ACAP3: variants seen among roughly 807,000 people sequenced by gnomAD.
The protein encoded by ACAP3 is arf-GAP with coiled-coil, ANK repeat and PH domain-containing protein 3.
A neutral mutation model predicts 104.1 loss-of-function variants in ACAP3; 56 were observed. That is an observed-to-expected ratio of 0.54 (90% CI 0.43 to 0.67). ACAP3 has a LOEUF of 0.67. ACAP3 is among the 30% of genes least tolerant of loss of function. ACAP3 has a pLI of 0.00. For synonymous variants in ACAP3, 628 were observed against 496.2 expected (o/e 1.27, Z -3.53); for missense variants, 1,208 against 1,174.9 (o/e 1.03, Z -0.41).
intron 9 of ACAP3, 130 bp downstream of exon 9, chr1:1,299,701 G>T: frequency 9.0e-7 from 1 of 1,114,274 alleles, no homozygotes; most frequent in Non-Finnish European, 1.3e-6. Context: ...TGGTCCCCTA[G>T]AGAGGGTGTG....
chr1:1,299,553 C>T (rs1007289063), intron 9 of ACAP3, 197 bp from the exon 10 acceptor site: 4 of 772,524 alleles, frequency 5.2e-6, no homozygotes, highest in Non-Finnish European at 6.1e-6. Flanking sequence ...GCCGGGGCTG[C>T]TGTCCCACAG....
chr1:1,295,755 A>C lies in ACAP3; in HGVS notation c.1686T>G (p.Cys562Trp), dbSNP rs1343730316. ...RKVRLEPVLP[C>W]VAALSSVGTL... is the part of the protein sequence containing the mutation. ...TCCCACCTGAGGACAGAGCGGCCAC[A>C]CAGGGCAGAACGGGCTCAAGCCGGA... The change falls in exon 18 of 24, where the codon TGT becomes TGG. Residue 562 changes from cysteine (C) to tryptophan (W), a missense_variant. Cys to Trp is a radical substitution (Grantham distance 215, BLOSUM62 -2). Transcript: ENST00000354700. 6.2e-7 allele frequency: 1 copy of C among 1,605,474 alleles called. No homozygotes were observed. The highest frequency in any genetic ancestry group is 1.3e-5 in the African/African-American group (1 of 74,890).
At position 1,297,661 on chromosome 1, in the gene ACAP3, A is replaced by G. The variant is rs1272126898; in HGVS notation, c.1128+161T>C. 1.7e-3 allele frequency among the ~76,000 whole-genome samples: 116 copies of G among 68,910 alleles called. 1 individual carries two copies. Among genetic ancestry groups the G allele is most frequent in the Admixed American group, 1.5e-4 (1 of 6,576 alleles). 45.2% of individuals were successfully genotyped at this position (68,910 alleles called of 152,430 possible). On this transcript the variant is annotated intron_variant, in intron 14 of 23. Coordinates refer to ENST00000354700, the MANE Select transcript of ACAP3 (RefSeq NM_030649.3). Reference sequence around the variant, plus strand: ...CCCAGTGGCACGTGTGTGTGTGCACAGGCGCGGGGCAGGGGCCATCCCCGG... The same window carrying G: ...CCCAGTGGCACGTGTGTGTGTGCACGGGCGCGGGGCAGGGGCCATCCCCGG...
chr1:1,300,641 C>T lies in ACAP3; in HGVS notation c.390G>A (p.Glu130=), dbSNP rs1641402693. 7 of 1,609,622 alleles carry T rather than the reference C, an allele frequency of 4.3e-6. No homozygotes were observed. Among genetic ancestry groups the T allele is most frequent in the Non-Finnish European group, 5.1e-6 (6 of 1,179,100 alleles). ...ETKKQFDKVR[E]DLELSLVRNA... The stretch of plus-strand genomic sequence containing the variant: ...TCCTCACCAGGGACAGCTCCAGGTC[C>T]TCCCGCACCTTGTCAAACTGCTTCT... Residue 130 remains glutamate (E), a synonymous_variant, in exon 6 of 24, where the codon GAG becomes GAA. Coordinates refer to ENST00000354700, the MANE Select transcript of ACAP3 (RefSeq NM_030649.3).
chr1:1,303,656 C>T lies in ACAP3; in HGVS notation c.106-375G>A. On this transcript the variant is annotated intron_variant, in intron 2 of 23. Coordinates refer to ENST00000354700, the MANE Select transcript of ACAP3 (RefSeq NM_030649.3). This position sits in a 1 kb window ranked among gnomAD's most constrained non-coding sequence, Gnocchi z 4.0. Reference sequence around the variant, plus strand: ...TGTGGGGCTCATGGACACGGCTCCCCTCTCCACGGCCTGTTGCCCCCTCTT... The same window carrying T: ...TGTGGGGCTCATGGACACGGCTCCCTTCTCCACGGCCTGTTGCCCCCTCTT... 2 of 387,408 alleles carry T rather than the reference C, an allele frequency of 5.2e-6. No homozygotes were observed. Among genetic ancestry groups the T allele is most frequent in the Admixed American group, 4.9e-5 (1 of 20,516 alleles). The allele number at this position is 387,408 out of a possible 1,614,324, so 24.0% of individuals were successfully genotyped here. A position where few individuals can be genotyped will look rare whatever the true frequency, so the allele number is the denominator to read the frequency against.
chr1:1,294,635 G>A lies in ACAP3; in HGVS notation c.1913-7C>T, dbSNP rs764805381. 6.5e-7 allele frequency: 1 copy of A among 1,529,648 alleles called. No individual in the cohort carries two copies. Among genetic ancestry groups the A allele is most frequent in the South Asian group, 1.2e-5 (1 of 82,180 alleles). The allele number at this position is 1,529,648 out of a possible 1,614,324, so 94.8% of individuals were successfully genotyped here. The stretch of plus-strand genomic sequence containing the variant: ...TCCTCCGACTCTGCACCCTCTGTGG[G>A]GAGGGGGCGGTCAGGGAAAGCAACC... On this transcript the variant is annotated splice_region_variant and splice_polypyrimidine_tract_variant and intron_variant, in intron 20 of 23. Coordinates refer to ENST00000354700, the MANE Select transcript of ACAP3 (RefSeq NM_030649.3).
intron 1 of ACAP3, 52 bp from the exon 2 acceptor site, chr1:1,304,195 G>A (rs1641580241): frequency 1.3e-6 from 2 of 1,547,194 alleles, no homozygotes; most frequent in African/African-American, 1.4e-5. Context: ...AGCCCCCTCG[G>A]GGCTTCACCT....
chr1:1,299,193 A>G (rs1288384749), intron 10 of ACAP3, 152 bp downstream of exon 10: 5 of 1,039,342 alleles, frequency 4.8e-6, no homozygotes, highest in African/African-American at 1.6e-5. Flanking sequence ...GTCTGGCCGG[A>G]GCCAGCCCCT....
At chr1:1,299,802 T>A (rs1359606341) in intron 9 of ACAP3, 29 bp downstream of exon 9, 1 of 1,536,240 alleles carries the variant, frequency 6.5e-7, no homozygotes, top group African/African-American at 1.4e-5. Context: ...AGGCGCCTGG[T>A]GTGCAGGGAG....
At position 1,298,047 on chromosome 1, in the gene ACAP3, G is replaced by A. The variant is rs772986088; in HGVS notation, c.982C>T (p.Arg328Trp). ...GACAGCACCTCGAAGCAGAACCTCC[G>A]CTCGATGTCCTCACACGGCTTCACA... Reference protein sequence around the residue: ...CSVKPCEDIERRFCFEVLSPT... With the variant: ...CSVKPCEDIEWRFCFEVLSPT... Residue 328 changes from arginine (R) to tryptophan (W), a missense_variant, in exon 13 of 24, where the codon CGG becomes TGG. By Grantham distance (101) the Arg-to-Trp change is moderately radical. Coordinates refer to ENST00000354700, the MANE Select transcript of ACAP3 (RefSeq NM_030649.3). 14 of 1,611,534 alleles carry A rather than the reference G, an allele frequency of 8.7e-6. No individual in the cohort carries two copies. Among genetic ancestry groups the A allele is most frequent in the East Asian group, 2.2e-5 (1 of 44,836 alleles).
intron 5 of ACAP3, chr1:1,301,634 C>T: frequency 5.2e-6 from 1 of 190,526 alleles, no homozygotes; most frequent in Non-Finnish European, 1.1e-5. Flanking sequence ...CCCAGGCCTG[C>T]CCGCACCCCT....
intron 14 of ACAP3, among the ~76,000 whole-genome samples, chr1:1,297,250 C>T (rs1256749414): frequency 1.1e-5 from 1 of 88,536 alleles, no homozygotes; most frequent in Non-Finnish European, 2.0e-5. Flanking sequence ...CATGTGTGCA[C>T]GGGCTTGGGG....
intron 16 of ACAP3, 27 bp downstream of exon 16, chr1:1,296,184 C>G (rs763627196): frequency 6.3e-7 from 1 of 1,594,874 alleles, no homozygotes; most frequent in Non-Finnish European, 8.5e-7. Context: ...AACGGGGTCC[C>G]GTGGCCTCCA....
In ACAP3 at chr1:1,295,532, G is replaced by C. The variant is rs773833712; in HGVS notation, c.1728C>G (p.Phe576Leu). The C allele has an allele frequency of 1.2e-6, 2 of 1,612,542 alleles. No homozygotes were observed. Among genetic ancestry groups the C allele is most frequent in the Non-Finnish European group, 1.7e-6 (2 of 1,179,910 alleles). The change falls in exon 19 of 24, where the codon TTC becomes TTG. Residue 576 changes from phenylalanine (F) to leucine (L), a missense_variant. Coordinates refer to ENST00000354700, the MANE Select transcript of ACAP3 (RefSeq NM_030649.3). ...CGGGACAGAAGAGGGAGTCTCGGCG[G>C]AACTTACGATCCAGGGTGCCCACTG... Reference protein sequence around the residue: ...LSSVGTLDRKFRRDSLFCPDE... With the variant: ...LSSVGTLDRKLRRDSLFCPDE...
rs887249185 is a variant in ACAP3 at position 1,293,628 on chromosome 1, G to T, written c.2441C>A (p.Pro814His). ...ACACCTGCGGAACTGGAGCTCCGTG[G>T]GGCTGCCCGCCAGGGCGCCCGGGGG... ...PGPPGALAGS[P>H]TELQFRRCIQ... Residue 814 changes from proline (P) to histidine (H), a missense_variant, in exon 24 of 24, where the codon CCC becomes CAC. Pro to His is a moderately conservative substitution (Grantham distance 77). Coordinates refer to ENST00000354700, the MANE Select transcript of ACAP3 (RefSeq NM_030649.3). The T allele has an allele frequency of 4.0e-6, 6 of 1,490,534 alleles. No homozygotes were observed. Among genetic ancestry groups the T allele is most frequent in the Non-Finnish European group, 5.3e-6 (6 of 1,126,930 alleles). The allele number at this position is 1,490,534 out of a possible 1,614,324, so 92.3% of individuals were successfully genotyped here.
intron 10 of ACAP3, 75 bp from the exon 11 acceptor site, chr1:1,298,754 G>A: frequency 8.6e-7 from 1 of 1,168,870 alleles, no homozygotes; most frequent in South Asian, 1.2e-5. Context: ...CCGGAGCACA[G>A]GTGGGGGTGA....
Position 1,303,985 on chromosome 1 carries a change from A to C in ACAP3, c.105+101T>G. The C allele has an allele frequency of 7.2e-7, 1 of 1,395,490 alleles. No homozygotes were observed. Among genetic ancestry groups the C allele is most frequent in the Non-Finnish European group, 9.8e-7 (1 of 1,015,372 alleles). The allele number at this position is 1,395,490 out of a possible 1,614,324, so 86.4% of individuals were successfully genotyped here. On this transcript the variant is annotated intron_variant, in intron 2 of 23. Transcript: ENST00000354700. This position sits in a 1 kb window ranked among gnomAD's most constrained non-coding sequence, Gnocchi z 4.0. ...GGAGCACCACACGCATGCTCCACATATGGGGGGTGTAAGTGGCTTAGTAAG... is the reference window on the plus strand; with the variant it reads ...GGAGCACCACACGCATGCTCCACATCTGGGGGGTGTAAGTGGCTTAGTAAG...
chr1:1,300,584 C>G lies in ACAP3; in HGVS notation c.447G>C (p.Glu149Asp), dbSNP rs1641400701. Residue 149 changes from glutamate (E) to aspartate (D), a missense_variant, in exon 6 of 24, where the codon GAG becomes GAC. Physicochemically the swap from Glu to Asp is conservative, Grantham distance 45 (BLOSUM62 2). Coordinates refer to ENST00000354700, the MANE Select transcript of ACAP3 (RefSeq NM_030649.3). The part of the protein sequence containing the change: ...NAQAPRHRPH[E>D]VEEATGALTL... ...TGAGGGCCCCGGTGGCTTCCTCCAC[C>G]TCGTGGGGCCGGTGCCTCGGGGCCT... The G allele has an allele frequency of 1.9e-6, 3 of 1,611,424 alleles. No homozygotes were observed. The highest frequency in any genetic ancestry group is 2.5e-6 in the Non-Finnish European group (3 of 1,179,490).
intron 2 of ACAP3, 74 bp downstream of exon 2, chr1:1,304,012 C>T (rs911662772): frequency 6.5e-7 from 1 of 1,534,892 alleles, no homozygotes; most frequent in Non-Finnish European, 8.8e-7. Flanking sequence ...CTTAGTAAGG[C>T]CTGGAGGGCG....
Sources: gnomAD v4.1 joint callset for allele counts (sites outside exome capture counted in the v4.1 genomes callset) on GRCh38, gnomAD v4.1.1 for gene constraint, Gnocchi (gnomAD v3.1) non-coding constraint, MANE v1.5 for transcripts, NCBI Gene and HGNC (gene_info 2026-07-23, HGNC 2026-07-21) for gene names.